The following FAM184B variants were observed in gnomAD, a reference collection of about 807,000 sequenced individuals.
FAM184B encodes family with sequence similarity 184 member B.
FAM184B carries 111 observed loss-of-function variants against 135.9 expected under a neutral mutation model. That is an observed-to-expected ratio of 0.82 (90% CI 0.70 to 0.96). The LOEUF is 0.96. Ranked by LOEUF, FAM184B falls within the 40% of genes least tolerant of loss-of-function variation. The pLI is 0.00. For missense variants in FAM184B, 1,375 were observed against 1,323.9 expected (o/e 1.04, Z -0.60); for synonymous variants, 552 against 524.8 (o/e 1.05, Z -0.71).
intron 10 of FAM184B, among the ~76,000 whole-genome samples, chr4:17,655,476 C>T (rs988720659): frequency 6.6e-6 from 1 of 152,172 alleles, no homozygotes. Flanking sequence ...GTGAATTTCT[C>T]CAGCTGCTAT....
At chr4:17,770,934 G>T (rs760628474) in intron 1 of FAM184B, among the ~76,000 whole-genome samples, 8 of 152,170 alleles carry the variant, frequency 5.3e-5, no homozygotes, top group Non-Finnish European at 1.0e-4. Context: ...ACCAACTTTA[G>T]AACATTCTCA....
At chr4:17,733,897 C>T (rs1369234663) in intron 1 of FAM184B, among the ~76,000 whole-genome samples, 1 of 152,170 alleles carries the variant, frequency 6.6e-6, no homozygotes, top group Non-Finnish European at 1.5e-5. Context: ...AAGAACAAAG[C>T]TGGAGGCATC....
At chr4:17,640,936 GTTTGT>G (rs1008585740) in intron 13 of FAM184B, among the ~76,000 whole-genome samples, 5 of 150,158 alleles carry the variant, frequency 3.3e-5, no homozygotes, top group Non-Finnish European at 5.9e-5. Context: ...TTTTTGTTTT[GTTTGT>G]TTTGTTTTTT....
intron 6 of FAM184B, among the ~76,000 whole-genome samples, chr4:17,692,784 C>T (rs972226544): frequency 5.9e-5 from 9 of 152,120 alleles, no homozygotes; most frequent in African/African-American, 2.2e-4. Flanking sequence ...AGAAATGGCT[C>T]TTAGGATTCT....
At chr4:17,636,088 G>A (rs1484468698) in intron 15 of FAM184B, among the ~76,000 whole-genome samples, 1 of 152,028 alleles carries the variant, frequency 6.6e-6, no homozygotes, top group African/African-American at 2.4e-5. Flanking sequence ...TAGTGAGTAT[G>A]TCTTCTTTAA....
chr4:17,698,544 G>A (rs1463922196), intron 5 of FAM184B, among the ~76,000 whole-genome samples: 1 of 152,110 alleles, frequency 6.6e-6, no homozygotes, highest in African/African-American at 2.4e-5. Context: ...TCATGATGCA[G>A]CTGAAAGAGT....
chr4:17,735,029 T>C (rs1231031085), intron 1 of FAM184B, among the ~76,000 whole-genome samples: 2 of 152,102 alleles, frequency 1.3e-5, no homozygotes, highest in African/African-American at 4.8e-5. Context: ...ATGTCCTTTG[T>C]AGGGACATGG....
intron 1 of FAM184B, among the ~76,000 whole-genome samples, chr4:17,752,850 T>G (rs953421950): frequency 6.6e-6 from 1 of 152,234 alleles, no homozygotes; most frequent in African/African-American, 2.4e-5. Flanking sequence ...TTGTTAAAAT[T>G]AGCAGAACAC....
chr4:17,774,654 A>G (rs1450935589), intron 1 of FAM184B, among the ~76,000 whole-genome samples: 1 of 152,182 alleles, frequency 6.6e-6, no homozygotes, highest in Admixed American at 6.5e-5. Flanking sequence ...TCTTGAAGGG[A>G]TTTGAAAAAA....
chr4:17,653,117 A>G, intron 10 of FAM184B, 134 bp from the exon 11 acceptor site: 1 of 878,170 alleles, frequency 1.1e-6, no homozygotes, highest in Non-Finnish European at 1.8e-6. Flanking sequence ...ATCAGGCTAC[A>G]GAGAATGCTG....
At chr4:17,731,055 A>C (rs970656059) in intron 1 of FAM184B, among the ~76,000 whole-genome samples, 3 of 152,188 alleles carry the variant, frequency 2.0e-5, no homozygotes, top group Admixed American at 6.6e-5. Context: ...TAAAACCCAG[A>C]ATTTCATATC....
At chr4:17,761,435 A>G (rs911264879) in intron 1 of FAM184B, among the ~76,000 whole-genome samples, 1 of 152,194 alleles carries the variant, frequency 6.6e-6, no homozygotes, top group Non-Finnish European at 1.5e-5. Context: ...ACTCTGTGGC[A>G]TTCTGTTATC....
intron 7 of FAM184B, among the ~76,000 whole-genome samples, chr4:17,687,335 G>GT (rs1375011264): frequency 6.6e-6 from 1 of 152,204 alleles, no homozygotes. Flanking sequence ...AAGGCCGTGA[G>GT]TTTTTTATGG....
chr4:17,746,846 T>G (rs571609936), intron 1 of FAM184B, among the ~76,000 whole-genome samples: 2 of 151,886 alleles, frequency 1.3e-5, no homozygotes, highest in Non-Finnish European at 2.9e-5. Flanking sequence ...GAGACCAGCC[T>G]GACCAACATG....
intron 7 of FAM184B, among the ~76,000 whole-genome samples, chr4:17,667,951 G>A (rs1023003736): frequency 6.6e-6 from 1 of 152,158 alleles, no homozygotes; most frequent in African/African-American, 2.4e-5. Context: ...CTGGGCCTGT[G>A]TGTACAGCTC....
At chr4:17,773,454 G>A (rs1229036424) in intron 1 of FAM184B, among the ~76,000 whole-genome samples, 1 of 152,198 alleles carries the variant, frequency 6.6e-6, no homozygotes, top group African/African-American at 2.4e-5. Context: ...GCACTAAGAC[G>A]CCTGCGCATT....
At position 17,658,330 on chromosome 4, in the gene FAM184B, C is replaced by T. The variant is rs148798444; in HGVS notation, c.2037+20G>A. The stretch of plus-strand genomic sequence containing the variant: ...TAGCAGGTGCCCGGCACAGAGTAGA[C>T]GGCACAGTCATTCCCTCACCTTGAG... On this transcript the variant is annotated intron_variant, in intron 10 of 17. Transcript: ENST00000265018. 59 of 1,550,448 alleles carry T rather than the reference C, an allele frequency of 3.8e-5. No individual in the cohort carries two copies. Among genetic ancestry groups the T allele is most frequent in the African/African-American group, 2.5e-4 (18 of 73,140 alleles).
At chr4:17,691,062 T>A (rs7436403) in intron 6 of FAM184B, among the ~76,000 whole-genome samples, 5 of 152,108 alleles carry the variant, frequency 3.3e-5, no homozygotes, top group South Asian at 2.1e-4. Flanking sequence ...GACTTGCAAC[T>A]GAATGTAAAC....
chr4:17,677,143 G>A (rs1716329251), intron 7 of FAM184B, among the ~76,000 whole-genome samples: 1 of 152,018 alleles, frequency 6.6e-6, no homozygotes, highest in African/African-American at 2.4e-5. Context: ...TGCCTCCTGG[G>A]CTCAAGCTAT....
Sources: allele counts gnomAD v4.1 joint callset (sites outside exome capture counted in the v4.1 genomes callset), GRCh38; gene constraint gnomAD v4.1.1; transcripts MANE v1.5; gene names NCBI Gene and HGNC (gene_info 2026-07-23, HGNC 2026-07-21).